Variants in IGF2R observed in about 807,000 individuals in gnomAD.
IGF2R encodes the protein insulin like growth factor 2 receptor.
A neutral mutation model predicts 270.6 loss-of-function variants in IGF2R; 91 were observed. That is an observed-to-expected ratio of 0.34 (90% CI 0.28 to 0.40). The LOEUF (loss-of-function observed/expected upper bound fraction) is 0.40. Ranked by LOEUF, IGF2R falls within the 10% of genes least tolerant of loss-of-function variation. The pLI is 1.00. For missense variants in IGF2R, 2,805 were observed against 3,188.3 expected (o/e 0.88, Z 2.90); for synonymous variants, 1,316 against 1,258.9 (o/e 1.05, Z -0.96).
chr6:160,023,753 G>C (rs146869654), intron 4 of IGF2R, among the ~76,000 whole-genome samples: 46 of 152,322 alleles, frequency 3.0e-4, no homozygotes, highest in African/African-American at 1.1e-3. Flanking sequence ...CTGTGGAAAG[G>C]TCAAGGCTAG....
At chr6:160,086,670 C>G (rs1007020565) in intron 41 of IGF2R, among the ~76,000 whole-genome samples, 5 of 151,986 alleles carry the variant, frequency 3.3e-5, no homozygotes, top group Admixed American at 2.6e-4. Flanking sequence ...TTCTTTTTTC[C>G]AAAATTTTAC....
chr6:160,030,555 T>C (rs966614929), intron 7 of IGF2R, among the ~76,000 whole-genome samples: 2 of 152,152 alleles, frequency 1.3e-5, no homozygotes, highest in African/African-American at 4.8e-5. Flanking sequence ...GTTCTGAATG[T>C]GAATGGGGAG....
At chr6:159,975,465 G>A (rs1034201228) in intron 1 of IGF2R, among the ~76,000 whole-genome samples, 2 of 151,862 alleles carry the variant, frequency 1.3e-5, no homozygotes, top group Non-Finnish European at 2.9e-5. Flanking sequence ...CCGGGTATAG[G>A]GTGGGACCCT....
intron 32 of IGF2R, 146 bp from the exon 33 acceptor site, chr6:160,072,619 G>C: frequency 1.3e-6 from 1 of 767,640 alleles, no homozygotes. Flanking sequence ...CAGCCTGGCT[G>C]TTGGTGGAGG....
chr6:160,047,322 T>A lies in IGF2R; in HGVS notation c.2215T>A (p.Phe739Ile). 6.3e-7 allele frequency: 1 copy of A among 1,594,840 alleles called. No homozygotes were observed. The highest frequency in any genetic ancestry group is 1.1e-5 in the South Asian group (1 of 89,276). ...CTGTGATCGAGACGCGGGAGTGGGC[T>A]TCCCTGAATATCAGGTAGGAATGTT... is the stretch of plus-strand genomic sequence containing the variant. Reference protein sequence around the residue: ...FLCDRDAGVGFPEYQEEDNST... With the variant: ...FLCDRDAGVGIPEYQEEDNST... The change falls in exon 16 of 48, where the codon TTC becomes ATC. Residue 739 changes from phenylalanine to isoleucine, a missense_variant. Around this residue, in one of 2 missense-constraint regions of IGF2R, gnomAD observed 954 missense variants for 981.1 expected, o/e 0.97. Transcript: ENST00000356956.
chr6:159,990,010 C>T (rs1009260420), intron 1 of IGF2R, among the ~76,000 whole-genome samples: 1 of 152,128 alleles, frequency 6.6e-6, no homozygotes. Flanking sequence ...TGTGTGATTT[C>T]GAATCTGATA....
At chr6:160,019,382 C>T (rs1777379720) in intron 4 of IGF2R, among the ~76,000 whole-genome samples, 2 of 152,116 alleles carry the variant, frequency 1.3e-5, no homozygotes, top group Non-Finnish European at 1.5e-5. Flanking sequence ...GCTGAATTCT[C>T]CCAGAGGCAC....
chr6:160,092,742 G>A (rs1583303464), intron 44 of IGF2R, among the ~76,000 whole-genome samples: 1 of 152,156 alleles, frequency 6.6e-6, no homozygotes, highest in African/African-American at 2.4e-5. Context: ...AGAATGTGGG[G>A]CCCTCCCGGA....
intron 4 of IGF2R, among the ~76,000 whole-genome samples, chr6:160,024,363 A>G (rs754172346): frequency 3.3e-5 from 5 of 152,152 alleles, no homozygotes; most frequent in Non-Finnish European, 5.9e-5. Context: ...TGATTGCACA[A>G]CAGTCCTCAT....
At chr6:160,058,257 G>T in intron 21 of IGF2R, 133 bp downstream of exon 21, 2 of 642,154 alleles carry the variant, frequency 3.1e-6, no homozygotes, top group South Asian at 3.7e-5. Flanking sequence ...AGAAGGAGAT[G>T]GGAAAATCCA....
At chr6:160,092,750 G>A (rs1174381383) in intron 44 of IGF2R, among the ~76,000 whole-genome samples, 2 of 152,148 alleles carry the variant, frequency 1.3e-5, no homozygotes, top group East Asian at 1.9e-4. Flanking sequence ...GGGCCCTCCC[G>A]GAGCGGAGCC....
chr6:160,087,324 C>T (rs1779116271), intron 41 of IGF2R, among the ~76,000 whole-genome samples: 1 of 152,118 alleles, frequency 6.6e-6, no homozygotes, highest in African/African-American at 2.4e-5. Flanking sequence ...ACAATTGGAG[C>T]GATAATGAAG....
chr6:160,067,949 C>T (rs145980998), intron 29 of IGF2R, among the ~76,000 whole-genome samples: 83 of 152,208 alleles, frequency 5.5e-4, no homozygotes, highest in East Asian at 1.7e-3. Context: ...ACAGACGGCA[C>T]GCACTTTGCA....
intron 2 of IGF2R, among the ~76,000 whole-genome samples, chr6:159,997,962 A>G (rs1784078595): frequency 6.6e-6 from 1 of 152,168 alleles, no homozygotes; most frequent in African/African-American, 2.4e-5. Flanking sequence ...TCTCTCTACA[A>G]AGAGACCATC....
chr6:160,036,012 G>C (rs1488727313), intron 10 of IGF2R, among the ~76,000 whole-genome samples: 6 of 152,196 alleles, frequency 3.9e-5, no homozygotes, highest in African/African-American at 1.2e-4. Context: ...TGGACCAGGG[G>C]AACTGCGAGC....
rs1778554600 is a variant in IGF2R, at chr6:160,065,639, A to T, written c.4115+738A>T. Among the ~76,000 whole-genome samples, 4 of 151,896 alleles carry T rather than the reference A, an allele frequency of 2.6e-5. No homozygotes were observed. The South Asian group carries it at 8.3e-4, about 32-fold the overall frequency. ...TGTTTCTCATTTCTACTGGATGGGA[A>T]ATGTCCTCAGTAGATATCCCCAGTT... is the stretch of plus-strand genomic sequence containing the variant. On this transcript the variant is annotated intron_variant, in intron 29 of 47. Transcript: ENST00000356956.
intron 2 of IGF2R, among the ~76,000 whole-genome samples, chr6:159,991,535 T>A (rs1783979764): frequency 6.6e-6 from 1 of 152,244 alleles, no homozygotes; most frequent in Non-Finnish European, 1.5e-5. Flanking sequence ...TGGTTCTGTC[T>A]AGTGGATACT....
Position 160,034,427 on chromosome 6 carries a change from A to G in IGF2R, c.1220A>G (p.Asp407Gly). ...RYHNQTLRYS[D>G]GDLTLIYFGG... ...TATTCACAAAAATCTAGATATTCGG[A>G]TGGAGACCTCACCTTGATATATTTT... Residue 407 changes from aspartate to glycine, a missense_variant, in exon 10 of 48, where the codon GAT (aspartate) becomes GGT (glycine). Physicochemically the swap from Asp to Gly is moderately conservative, Grantham distance 94. Transcript: ENST00000356956. 1 of 1,596,220 alleles carries G rather than the reference A, an allele frequency of 6.3e-7. No individual in the cohort carries two copies.
rs772696471 is a variant in IGF2R, at chr6:160,069,999, C to G, written c.4384C>G (p.Pro1462Ala). The G allele has an allele frequency of 2.5e-6, 4 of 1,614,092 alleles. No individual in the cohort carries two copies. In the African/African-American group the frequency reaches 4.0e-5, roughly 16 times the overall value. ...VLKYVDGDLCPDGIRKKSTTI... is the reference protein window; with the variant it reads ...VLKYVDGDLCADGIRKKSTTI... ...GAAATACGTTGATGGCGACTTATGT[C>G]CAGATGGGATTCGGAAAAAGTCAAC... Residue 1462 changes from proline to alanine, a missense_variant, in exon 31 of 48, where the codon CCA becomes GCA. Transcript: ENST00000356956.
Sources: gnomAD v4.1 joint callset for allele counts (sites outside exome capture counted in the v4.1 genomes callset) on GRCh38, gnomAD v4.1.1 for gene constraint, gnomAD v4.1.1 regional missense constraint, MANE v1.5 for transcripts, NCBI Gene and HGNC (gene_info 2026-07-23, HGNC 2026-07-21) for gene names.